The following FLYWCH1 variants were observed in gnomAD, a reference collection of about 807,000 sequenced individuals.
The protein encoded by FLYWCH1 is FLYWCH-type zinc finger-containing protein 1.
FLYWCH1 carries 75 observed loss-of-function variants against 66.4 expected under a neutral mutation model. The observed-to-expected ratio is 1.13, with a 90% CI of 0.94 to 1.37. FLYWCH1 has a LOEUF of 1.37. Among genes scored for constraint, FLYWCH1 ranks in the 40% most tolerant of loss-of-function variants. The probability of loss-of-function intolerance (pLI) is 0.00; values close to 1 mark genes in which losing one functional copy is unlikely to be tolerated. For missense variants in FLYWCH1, 1,334 were observed against 1,001.8 expected (o/e 1.33, Z -4.48); for synonymous variants, 595 against 429.9 (o/e 1.38, Z -4.75).
In FLYWCH1 at chr16:2,938,390, C is replaced by G; in HGVS notation, c.1984C>G (p.Leu662Val). The change falls in exon 8 of 10, where the codon CTG becomes GTG. Residue 662 changes from leucine to valine, a missense_variant. Leu to Val is a conservative substitution (Grantham distance 32). Coordinates refer to ENST00000253928, the MANE Select transcript of FLYWCH1 (RefSeq NM_001308068.2). ...VMRSHCHQPD[L>V]AGLEALRQRE... ...GCGCAGCCACTGCCATCAGCCTGAC[C>G]TGGCAGGCCTGGAGGCCTTGAGGCA... The G allele has an allele frequency of 6.4e-7, 1 of 1,564,318 alleles. No homozygotes were observed. The highest frequency in any genetic ancestry group is 1.7e-4 in the Middle Eastern group (1 of 5,822).
At chr16:2,946,352 C>A (rs2071486696) in intron 9 of FLYWCH1, among the ~76,000 whole-genome samples, 1 of 119,076 alleles carries the variant, frequency 8.4e-6, no homozygotes, top group Admixed American at 1.1e-4. Context: ...GATGGAGTCT[C>A]GTTCTGTCCC....
chr16:2,928,249 C>G (rs1254447881), intron 2 of FLYWCH1, among the ~76,000 whole-genome samples: 1 of 152,206 alleles, frequency 6.6e-6, no homozygotes, highest in African/African-American at 2.4e-5. Context: ...AAAGCTTCCT[C>G]TTACCTCAAC....
intron 2 of FLYWCH1, among the ~76,000 whole-genome samples, chr16:2,920,343 C>G (rs2070325702): frequency 6.6e-6 from 1 of 151,910 alleles, no homozygotes; most frequent in Non-Finnish European, 1.5e-5. Context: ...AACTCCATCT[C>G]TACTAAAAAT....
chr16:2,939,896 T>C, intron 8 of FLYWCH1, 136 bp from the exon 9 acceptor site: 2 of 980,364 alleles, frequency 2.0e-6, no homozygotes, highest in Non-Finnish European at 2.9e-6. Context: ...ATGCGTTGAA[T>C]TCCCAGCGTT....
At chr16:2,921,156 A>G (rs1277553227) in intron 2 of FLYWCH1, among the ~76,000 whole-genome samples, 2 of 152,114 alleles carry the variant, frequency 1.3e-5, no homozygotes, top group East Asian at 1.9e-4. Flanking sequence ...TTGTTTTTCA[A>G]TAACTTTCCT....
At position 2,930,874 on chromosome 16, in the gene FLYWCH1, G is replaced by A. The variant is rs1376229106; in HGVS notation, c.790G>A (p.Gly264Arg). The A allele has an allele frequency of 6.3e-7, 1 of 1,589,684 alleles. No individual in the cohort carries two copies. Among genetic ancestry groups the A allele is most frequent in the Non-Finnish European group, 8.5e-7 (1 of 1,173,108 alleles). Residue 264 changes from glycine (G) to arginine (R), a missense_variant, in exon 4 of 10, where the codon GGG (glycine) becomes AGG (arginine). Gly to Arg is a moderately radical substitution (Grantham distance 125). Coordinates refer to ENST00000253928, the MANE Select transcript of FLYWCH1 (RefSeq NM_001308068.2). ...GCCGCCCAAGAAGCGCTCGATCCTG[G>A]GGCTGGGTGAGTACAATCCACTCCC... ...SLPPKKRSILGLGQARPLEFL... is the reference protein window; with the variant it reads ...SLPPKKRSILRLGQARPLEFL...
intron 2 of FLYWCH1, among the ~76,000 whole-genome samples, chr16:2,921,229 A>T (rs1198893163): frequency 6.6e-6 from 1 of 152,174 alleles, no homozygotes; most frequent in African/African-American, 2.4e-5. Context: ...CATTGCTTTT[A>T]ATATATTCAG....
intron 1 of FLYWCH1, among the ~76,000 whole-genome samples, 180 bp downstream of exon 1, chr16:2,912,334 C>A: frequency 7.2e-6 from 1 of 138,912 alleles, no homozygotes. Flanking sequence ...GCCCCTCCAT[C>A]CCCACCCCCC....
intron 1 of FLYWCH1, among the ~76,000 whole-genome samples, 157 bp downstream of exon 1, chr16:2,912,311 C>T (rs1307798205): frequency 6.6e-6 from 1 of 152,178 alleles, no homozygotes; most frequent in Non-Finnish European, 1.5e-5. Context: ...CCGCGATTCC[C>T]TCCTTGCTCC....
At chr16:2,936,553 C>T (rs1414311389) in intron 6 of FLYWCH1, 2 of 456,062 alleles carry the variant, frequency 4.4e-6, no homozygotes, top group Admixed American at 2.4e-5. Flanking sequence ...CTCCCCACCT[C>T]TGTGGCCCCT....
chr16:2,922,133 C>G (rs940171437), intron 2 of FLYWCH1, among the ~76,000 whole-genome samples: 2 of 152,066 alleles, frequency 1.3e-5, no homozygotes, highest in Non-Finnish European at 2.9e-5. Flanking sequence ...GGCGGGATAA[C>G]TTTAGTTACT....
chr16:2,917,329 A>G (rs549553237), intron 2 of FLYWCH1, among the ~76,000 whole-genome samples: 13 of 149,700 alleles, frequency 8.7e-5, no homozygotes, highest in Admixed American at 6.0e-4. Context: ...TCCCGGGTAC[A>G]AGCGATTCTC....
At chr16:2,919,980 G>T (rs2150901435) in intron 2 of FLYWCH1, among the ~76,000 whole-genome samples, 1 of 152,170 alleles carries the variant, frequency 6.6e-6, no homozygotes, top group African/African-American at 2.4e-5. Flanking sequence ...CTCTCGAGGG[G>T]GATACAGTAG....
At chr16:2,943,983 C>T (rs947704327) in intron 9 of FLYWCH1, among the ~76,000 whole-genome samples, 1 of 152,056 alleles carries the variant, frequency 6.6e-6, no homozygotes, top group African/African-American at 2.4e-5. Flanking sequence ...ACATGCCCAG[C>T]TACTTCGGAG....
intron 2 of FLYWCH1, among the ~76,000 whole-genome samples, chr16:2,924,475 C>T (rs991966833): frequency 5.9e-5 from 9 of 152,220 alleles, no homozygotes; most frequent in Non-Finnish European, 1.2e-4. Flanking sequence ...GTGGGGTTCC[C>T]AGGCTCCTTC....
intron 9 of FLYWCH1, chr16:2,940,303 A>T (rs543160180): frequency 2.0e-6 from 1 of 507,166 alleles, no homozygotes; most frequent in African/African-American, 2.0e-5. Flanking sequence ...CCTGCTCCTC[A>T]CCATAGGGAC....
rs2070731842 is a variant in FLYWCH1, at chr16:2,930,705, C to T, written c.621C>T (p.Gly207=). The part of the protein sequence containing the change: ...EGLGEPQGPE[G]PGGRVEEPLE... The stretch of plus-strand genomic sequence containing the variant: ...TGGGAGAGCCCCAGGGTCCTGAGGG[C>T]CCTGGAGGCCGAGTGGAGGAGCCCC... The change falls in exon 4 of 10, where the codon GGC becomes GGT. Residue 207 remains glycine, a synonymous_variant. Transcript: ENST00000253928. The T allele has an allele frequency of 6.5e-7, 1 of 1,544,468 alleles. No individual in the cohort carries two copies. Among genetic ancestry groups the T allele is most frequent in the Non-Finnish European group, 8.7e-7 (1 of 1,148,144 alleles).
At chr16:2,934,794 CCCA>C (rs1244292742) in intron 6 of FLYWCH1, 4 of 364,922 alleles carry the variant, frequency 1.1e-5, no homozygotes, top group Non-Finnish European at 2.2e-5. Context: ...CGCTCCTGAC[CCCA>C]CAAGTAACTA....
chr16:2,933,698 C>A lies in FLYWCH1; in HGVS notation c.1250-18C>A. On this transcript the variant is annotated intron_variant, in intron 5 of 9. Transcript: ENST00000253928. ...CAGCCCCTGTCCCCTCCCCTGACTGCCTCTTGAACCTCCCCAGGAGGCCCT... is the reference window on the plus strand; with the variant it reads ...CAGCCCCTGTCCCCTCCCCTGACTGACTCTTGAACCTCCCCAGGAGGCCCT... 1 of 1,605,042 alleles carries A rather than the reference C, an allele frequency of 6.2e-7. No individual in the cohort carries two copies. Among genetic ancestry groups the A allele is most frequent in the South Asian group, 1.1e-5 (1 of 89,808 alleles).
Sources: allele counts gnomAD v4.1 joint callset (sites outside exome capture counted in the v4.1 genomes callset), GRCh38; gene constraint gnomAD v4.1.1; transcripts MANE v1.5; gene names NCBI Gene and HGNC (gene_info 2026-07-23, HGNC 2026-07-21).